The following GBE1 variants were observed in gnomAD, a reference collection of about 807,000 sequenced individuals.
GBE1 encodes the protein 1,4-alpha-glucan-branching enzyme.
Under a neutral mutation model 88.8 loss-of-function variants are expected in GBE1, and 70 were observed. The ratio of observed to expected loss-of-function variants is 0.79; its 90% CI spans 0.65 to 0.96. The LOEUF is 0.96. GBE1 is among the 40% of genes least tolerant of loss of function. The probability of loss-of-function intolerance (pLI) is 0.00; values close to 1 mark genes in which losing one functional copy is unlikely to be tolerated. For missense variants in GBE1, 872 were observed against 871.0 expected (o/e 1.00, Z -0.01); for synonymous variants, 284 against 300.1 (o/e 0.95, Z 0.56).
chr3:81,527,243 G>T (rs1026539608), intron 14 of GBE1, among the ~76,000 whole-genome samples: 1 of 152,040 alleles, frequency 6.6e-6, no homozygotes, highest in African/African-American at 2.4e-5. Context: ...ATATTTACAT[G>T]TTAGACCTAA....
chr3:81,650,031 T>C (rs972678272), intron 3 of GBE1, 110 bp from the exon 4 acceptor site: 1 of 797,938 alleles, frequency 1.3e-6, no homozygotes, highest in Non-Finnish European at 2.0e-6. Flanking sequence ...ATCTTAAGAA[T>C]CTAGACCACC....
chr3:81,693,562 T>C (rs977576421), intron 2 of GBE1, among the ~76,000 whole-genome samples: 4 of 152,166 alleles, frequency 2.6e-5, no homozygotes, highest in African/African-American at 9.7e-5. Context: ...CTCTTGTGCA[T>C]TGCTTGAATT....
intron 12 of GBE1, among the ~76,000 whole-genome samples, chr3:81,577,103 A>AT (rs903419951): frequency 5.4e-5 from 8 of 146,986 alleles, no homozygotes; most frequent in South Asian, 2.2e-4. Context: ...CACACCCAGC[A>AT]TTTTTTTTTT....
intron 2 of GBE1, among the ~76,000 whole-genome samples, chr3:81,694,384 G>A (rs1048277034): frequency 6.6e-6 from 1 of 152,190 alleles, no homozygotes; most frequent in Admixed American, 6.5e-5. Flanking sequence ...TCACTTAGAA[G>A]CAAATAAAAT....
chr3:81,592,935 A>C (rs1703899484), intron 8 of GBE1, among the ~76,000 whole-genome samples: 1 of 152,210 alleles, frequency 6.6e-6, no homozygotes, highest in Admixed American at 6.5e-5. Context: ...GAGTAAGATC[A>C]AGCAGTAGCA....
At chr3:81,553,706 CAG>C (rs1432290013) in intron 12 of GBE1, among the ~76,000 whole-genome samples, 27 of 136,122 alleles carry the variant, frequency 2.0e-4, no homozygotes, top group African/African-American at 7.5e-4. Context: ...AAAAAACAGA[CAG>C]AAAGTACAAT....
intron 14 of GBE1, among the ~76,000 whole-genome samples, chr3:81,528,393 TAAAAC>T (rs912127211): frequency 5.9e-5 from 9 of 151,954 alleles, no homozygotes; most frequent in East Asian, 3.9e-4. Flanking sequence ...AAGACAATCA[TAAAAC>T]AAAACAAAAC....
intron 7 of GBE1, among the ~76,000 whole-genome samples, chr3:81,630,301 C>A (rs1458589283): frequency 1.3e-5 from 2 of 152,138 alleles, no homozygotes; most frequent in African/African-American, 2.4e-5. Context: ...ATTCCATGCT[C>A]ATGGGTAGGA....
At chr3:81,737,591 T>C (rs1706285302) in intron 1 of GBE1, among the ~76,000 whole-genome samples, 1 of 151,218 alleles carries the variant, frequency 6.6e-6, no homozygotes, top group Non-Finnish European at 1.5e-5. Context: ...TAGAGACTTT[T>C]ATAGCAGTTT....
chr3:81,622,641 C>T (rs1256741315), intron 7 of GBE1, among the ~76,000 whole-genome samples: 1 of 152,202 alleles, frequency 6.6e-6, no homozygotes, highest in South Asian at 2.1e-4. Flanking sequence ...ATGCATCTCG[C>T]ACTTGTGATA....
intron 7 of GBE1, among the ~76,000 whole-genome samples, chr3:81,603,148 C>T (rs554591930): frequency 6.6e-6 from 1 of 152,192 alleles, no homozygotes; most frequent in East Asian, 1.9e-4. Flanking sequence ...TCTCTTCCTT[C>T]TTAAATCTTG....
chr3:81,490,868 G>GT lies in GBE1; in HGVS notation c.2053-406dup, dbSNP rs536260661. On this transcript the variant is annotated intron_variant, in intron 15 of 15. Coordinates refer to ENST00000429644, the MANE Select transcript of GBE1 (RefSeq NM_000158.4). The stretch of plus-strand genomic sequence containing the variant: ...TCAAGACACTTTTATTTTTAATCTT[G>GT]TTTTTTTTTTTCCTTTCAAGAACAA... Among the ~76,000 whole-genome samples the GT allele has an allele frequency of 2.0e-3, 297 of 146,296 alleles. 2 individuals are homozygous for GT. In the South Asian group the frequency reaches 0.029, roughly 15 times the overall value.
intron 7 of GBE1, among the ~76,000 whole-genome samples, chr3:81,599,793 A>G (rs1190008846): frequency 6.6e-6 from 1 of 152,220 alleles, no homozygotes; most frequent in African/African-American, 2.4e-5. Context: ...TGACTAGTTC[A>G]AATCAAGTGG....
intron 1 of GBE1, among the ~76,000 whole-genome samples, chr3:81,747,411 TA>T (rs1432143983): frequency 6.6e-6 from 1 of 152,188 alleles, no homozygotes; most frequent in East Asian, 1.9e-4. Flanking sequence ...CCAAGCTCAG[TA>T]ACTCAAGCCT....
chr3:81,535,117 C>CTTT (rs60133692), intron 14 of GBE1, 78 bp downstream of exon 14: 7 of 1,025,570 alleles, frequency 6.8e-6, no homozygotes, highest in Admixed American at 3.6e-5. Context: ...CAACCTTAGT[C>CTTT]TTTTTTTTTT....
chr3:81,536,804 T>A, intron 13 of GBE1, 107 bp downstream of exon 13: 1 of 818,268 alleles, frequency 1.2e-6, no homozygotes, highest in Non-Finnish European at 1.9e-6. Context: ...AGACACTGAA[T>A]AATAAATTGC....
At chr3:81,609,780 T>G (rs773657072) in intron 7 of GBE1, among the ~76,000 whole-genome samples, 10 of 152,136 alleles carry the variant, frequency 6.6e-5, no homozygotes, top group Non-Finnish European at 1.2e-4. Flanking sequence ...TTGCTAATGG[T>G]CAAACCTACT....
intron 12 of GBE1, among the ~76,000 whole-genome samples, chr3:81,567,869 T>C (rs539878797): frequency 9.2e-5 from 14 of 152,328 alleles, no homozygotes; most frequent in African/African-American, 3.1e-4. Flanking sequence ...CACCTTCATA[T>C]GACTCTCTTT....
In GBE1 at chr3:81,750,615, A is replaced by ACG. The variant is rs1441745903; in HGVS notation, c.143+10759_143+10760insCG. 3.5e-4 allele frequency among the ~76,000 whole-genome samples: 24 copies of ACG among 69,526 alleles called. 2 individuals carry two copies. The highest frequency in any genetic ancestry group is 1.7e-3 in the Admixed American group (10 of 5,860). 45.6% of individuals were successfully genotyped at this position (69,526 alleles called of 152,430 possible). On this transcript the variant is annotated intron_variant, in intron 1 of 15. Coordinates refer to ENST00000429644, the MANE Select transcript of GBE1 (RefSeq NM_000158.4). ...TATATATATATGTGTATATATATAT[A>ACG]TGTATATATATATACGTATATATAT...
Sources: gnomAD v4.1 joint callset for allele counts (sites outside exome capture counted in the v4.1 genomes callset) on GRCh38, gnomAD v4.1.1 for gene constraint, MANE v1.5 for transcripts, NCBI Gene and HGNC (gene_info 2026-07-23, HGNC 2026-07-21) for gene names.